The following DHRSX variants were observed in gnomAD, a reference collection of about 807,000 sequenced individuals.
DHRSX encodes polyprenol dehydrogenase.
In DHRSX, 31 loss-of-function variants were observed where a neutral mutation model predicts 34.0. The ratio of observed to expected loss-of-function variants is 0.91; its 90% CI spans 0.69 to 1.23. The LOEUF (loss-of-function observed/expected upper bound fraction) is 1.23, where lower values mean the gene tolerates loss of function less well. DHRSX is among the 50% of genes most tolerant of loss of function. DHRSX has a pLI of 0.00. For missense variants in DHRSX, 414 were observed against 428.1 expected (o/e 0.97, Z 0.29); for synonymous variants, 201 against 183.8 (o/e 1.09, Z -0.76).
At chrX:2,427,049 A>G (rs1359533962) in intron 1 of DHRSX, among the ~76,000 whole-genome samples, 7 of 152,242 alleles carry the variant, frequency 4.6e-5, no homozygotes, top group Admixed American at 4.6e-4. Context: ...TGTGTCTGGC[A>G]ATAATGCAGA....
chrX:2,331,441 T>TTTTTTG (rs1569490002), intron 3 of DHRSX, among the ~76,000 whole-genome samples: 3 of 67,834 alleles, frequency 4.4e-5, no homozygotes, highest in Non-Finnish European at 8.7e-5. Context: ...TTTTGGTTTT[T>TTTTTTG]TTTTTTTTTT....
chrX:2,459,605 A>G (rs1272395041), intron 1 of DHRSX, among the ~76,000 whole-genome samples: 1 of 149,840 alleles, frequency 6.7e-6, no homozygotes, highest in Non-Finnish European at 1.5e-5. Context: ...ATATATATAC[A>G]CACACACACA....
At chrX:2,406,011 C>T (rs1278290529) in intron 3 of DHRSX, among the ~76,000 whole-genome samples, 1 of 151,538 alleles carries the variant, frequency 6.6e-6, no homozygotes, top group East Asian at 2.0e-4. Flanking sequence ...AAAAGGTAGT[C>T]GGCCGGGTGC....
chrX:2,489,602 C>T (rs1362814356), intron 1 of DHRSX: 1 of 1,612,542 alleles, frequency 6.2e-7, no homozygotes, highest in Non-Finnish European at 8.5e-7. Context: ...CACCAAGACC[C>T]CGGCGATGAC....
intron 4 of DHRSX, among the ~76,000 whole-genome samples, chrX:2,271,441 C>A (rs1465678355): frequency 6.6e-6 from 1 of 152,230 alleles, no homozygotes; most frequent in Non-Finnish European, 1.5e-5. Flanking sequence ...AATGAGCAGA[C>A]TGTTCAGGTG....
intron 3 of DHRSX, among the ~76,000 whole-genome samples, chrX:2,294,058 C>CAG (rs779129649): frequency 0.56 from 83,857 of 148,824 alleles, 25,680 homozygotes; most frequent in Middle Eastern, 0.76. Flanking sequence ...AAGATAGAAG[C>CAG]AGAGAGAGAG....
chrX:2,429,184 T>A (rs1231110112), intron 1 of DHRSX, among the ~76,000 whole-genome samples: 3 of 152,134 alleles, frequency 2.0e-5, no homozygotes, highest in Non-Finnish European at 4.4e-5. Flanking sequence ...TTGCAAATAC[T>A]ATATGTAGTA....
intron 1 of DHRSX, chrX:2,490,376 C>T: frequency 1.2e-6 from 2 of 1,613,448 alleles, no homozygotes; most frequent in Non-Finnish European, 1.7e-6. Flanking sequence ...GTAGCCGTGG[C>T]CGGCCTTGAC....
chrX:2,379,601 T>G (rs1056514690), intron 3 of DHRSX, among the ~76,000 whole-genome samples: 132 of 148,940 alleles, frequency 8.9e-4, no homozygotes, highest in Non-Finnish European at 1.4e-3. Flanking sequence ...GGAGGTTTTT[T>G]TTTTTTTTTT....
At chrX:2,475,389 A>T (rs2044663649) in intron 1 of DHRSX, among the ~76,000 whole-genome samples, 1 of 140,484 alleles carries the variant, frequency 7.1e-6, no homozygotes, top group Non-Finnish European at 1.5e-5. Context: ...GTTCCCTAAG[A>T]ATGCGACCAA....
intron 3 of DHRSX, among the ~76,000 whole-genome samples, chrX:2,355,856 G>A (rs868719528): frequency 5.9e-5 from 9 of 151,832 alleles, no homozygotes; most frequent in Middle Eastern, 3.4e-3. Context: ...ATCTAAAGTC[G>A]GGAGTTTGAG....
intron 3 of DHRSX, among the ~76,000 whole-genome samples, chrX:2,298,587 T>C (rs2041963417): frequency 8.6e-6 from 1 of 116,008 alleles, no homozygotes. Context: ...GCAGTTCTCC[T>C]GCAGGCGCGT....
chrX:2,314,157 A>G (rs1266678176), intron 3 of DHRSX, among the ~76,000 whole-genome samples: 1 of 135,044 alleles, frequency 7.4e-6, no homozygotes, highest in African/African-American at 2.8e-5. Flanking sequence ...GGAAGGAACA[A>G]AGGAACAAAG....
chrX:2,441,654 C>A (rs1054140187), intron 1 of DHRSX, among the ~76,000 whole-genome samples: 2 of 152,142 alleles, frequency 1.3e-5, no homozygotes, highest in Non-Finnish European at 2.9e-5. Flanking sequence ...CTTTTTACCT[C>A]TTAAGACCTT....
intron 4 of DHRSX, among the ~76,000 whole-genome samples, chrX:2,277,569 C>CAA (rs1182310470): frequency 0.067 from 7 of 104 alleles, no homozygotes; most frequent in Admixed American, 0.1. Context: ...GGAGGGCAAA[C>CAA]GAGAGGGAGA....
chrX:2,385,128 GTGTGTGTGTA>G (rs1240425002), intron 3 of DHRSX, among the ~76,000 whole-genome samples: 1 of 134,388 alleles, frequency 7.4e-6, no homozygotes, highest in Non-Finnish European at 1.6e-5. Flanking sequence ...GTGTGTGTGT[GTGTGTGTGTA>G]TGTGTATATA....
chrX:2,410,393 G>A (rs1315721872), intron 2 of DHRSX, among the ~76,000 whole-genome samples: 2 of 152,142 alleles, frequency 1.3e-5, no homozygotes, highest in Non-Finnish European at 2.9e-5. Context: ...CAGCTGATCT[G>A]CAAGGAGCAG....
At chrX:2,228,474 GAGGA>G (rs1294737302) in intron 6 of DHRSX, among the ~76,000 whole-genome samples, 7 of 73,346 alleles carry the variant, frequency 9.5e-5, no homozygotes, top group African/African-American at 2.3e-4. Flanking sequence ...GGGAGGGAGG[GAGGA>G]AGGAAGGAAG....
At position 2,460,031 on chromosome X, in the gene DHRSX, C is replaced by T. The variant is rs187897390; in HGVS notation, c.110-34727G>A. 1.2e-4 allele frequency among the ~76,000 whole-genome samples: 19 copies of T among 152,204 alleles called. No individual in the cohort carries two copies. In the East Asian group the frequency reaches 3.3e-3, roughly 26 times the overall value. On this transcript the variant is annotated intron_variant, in intron 1 of 6. Coordinates refer to ENST00000334651, the MANE Select transcript of DHRSX (RefSeq NM_145177.3). The stretch of plus-strand genomic sequence containing the variant: ...GTTGAGACAGAAGAATGGCTTGAAC[C>T]CAGGAGGTGGAGGTTGCAGTGAGCC...
Sources: allele counts gnomAD v4.1 joint callset (sites outside exome capture counted in the v4.1 genomes callset), GRCh38; gene constraint gnomAD v4.1.1; transcripts MANE v1.5; gene names NCBI Gene and HGNC (gene_info 2026-07-23, HGNC 2026-07-21).